FER1L5: variants seen among roughly 807,000 people sequenced by gnomAD.
FER1L5 encodes fer-1-like protein 5.
In FER1L5, 187 loss-of-function variants were observed where a neutral mutation model predicts 279.9. The observed-to-expected ratio is 0.67, with a 90% CI of 0.59 to 0.75. The LOEUF is 0.75. FER1L5 is among the 30% of genes least tolerant of loss of function. The pLI is 0.00. For missense variants in FER1L5, 2,091 were observed against 2,594.4 expected (o/e 0.81, Z 4.21); for synonymous variants, 921 against 989.7 (o/e 0.93, Z 1.30).
Position 96,689,515 on chromosome 2 carries a change from C to T in FER1L5, c.2526-129C>T. 6.9e-7 allele frequency: 1 copy of T among 1,445,618 alleles called. No individual in the cohort carries two copies. Among genetic ancestry groups the T allele is most frequent in the Non-Finnish European group, 9.5e-7 (1 of 1,057,676 alleles). The allele number at this position is 1,445,618 out of a possible 1,614,324, so 89.5% of individuals were successfully genotyped here. A position where few individuals can be genotyped will look rare whatever the true frequency, so the allele number is the denominator to read the frequency against. ...AGGTGCACCAGGCCAAGGGCCCTGCCCACCACCCTGTCCTGCCCAGAGCAG... is the reference window on the plus strand; with the variant it reads ...AGGTGCACCAGGCCAAGGGCCCTGCTCACCACCCTGTCCTGCCCAGAGCAG... On this transcript the variant is annotated intron_variant, in intron 25 of 52. Coordinates refer to ENST00000624922, the MANE Select transcript of FER1L5 (RefSeq NM_001293083.2). The surrounding 1 kb of genome is among the most constrained non-coding windows in gnomAD (Gnocchi z 4.6).
rs775560797 is a variant in FER1L5 at position 96,697,635 on chromosome 2, C to T, written c.4135-25C>T. 9 of 1,613,728 alleles carry T rather than the reference C, an allele frequency of 5.6e-6. No homozygotes were observed. In the East Asian group the frequency reaches 2.0e-4, roughly 36 times the overall value. On this transcript the variant is annotated intron_variant, in intron 38 of 52. Transcript: ENST00000624922. ...GGTGGGGGGCTGCCCCTGCCCGAGGCCAGAATGATCCTCTTCTCTGCCAGG... is the reference window on the plus strand; with the variant it reads ...GGTGGGGGGCTGCCCCTGCCCGAGGTCAGAATGATCCTCTTCTCTGCCAGG...
rs748668128 is a variant in FER1L5 at position 96,702,951 on chromosome 2, T to C, written c.5398-27T>C. 1 of 1,597,356 alleles carries C rather than the reference T, an allele frequency of 6.3e-7. No homozygotes were observed. The highest frequency in any genetic ancestry group is 1.7e-5 in the Admixed American group (1 of 57,998). ...GGGAAACGTCCAGGAGACAGGCCGGTAACACGCCCTTCCGCCATTTCCCCA... is the reference window on the plus strand; with the variant it reads ...GGGAAACGTCCAGGAGACAGGCCGGCAACACGCCCTTCCGCCATTTCCCCA... On this transcript the variant is annotated intron_variant, in intron 48 of 52. Coordinates refer to ENST00000624922, the MANE Select transcript of FER1L5 (RefSeq NM_001293083.2). This position sits in a 1 kb window ranked among gnomAD's most constrained non-coding sequence, Gnocchi z 4.0.
Position 96,673,127 on chromosome 2 carries a change from T to A in FER1L5, c.1542T>A (p.Cys514Ter). 6.4e-7 allele frequency: 1 copy of A among 1,551,626 alleles called. No individual in the cohort carries two copies. Among genetic ancestry groups the A allele is most frequent in the Non-Finnish European group, 8.7e-7 (1 of 1,146,952 alleles). Residue 514 changes from cysteine (C) to a stop codon, truncating the protein, a stop_gained, in exon 19 of 53, where the codon TGT becomes TGA. Transcript: ENST00000624922. LOFTEE classifies it high-confidence loss of function. The part of the protein sequence containing the change: ...KYGLCVIFLS[C>*]TMMPNFKELI... The stretch of plus-strand genomic sequence containing the variant: ...GGCTGTGCGTCATCTTCCTTTCCTG[T>A]ACCATGATGCCCAACTTTAAAGAGC...
intron 5 of FER1L5, 147 bp from the exon 6 acceptor site, chr2:96,650,033 G>A (rs2075297547): frequency 1.5e-6 from 1 of 663,966 alleles, no homozygotes; most frequent in Non-Finnish European, 2.7e-6. Flanking sequence ...GTAATGTTCT[G>A]GGGAGGACAT....
In FER1L5 at chr2:96,652,027, T is replaced by C; in HGVS notation, c.633+7T>C. On this transcript the variant is annotated splice_region_variant and intron_variant, in intron 7 of 52. Transcript: ENST00000624922. ...CAACCCTTTCTTTAATGAGGTGGGC[T>C]GAACGGGGCACATCAGGCAAGGAGC... 1 of 1,551,670 alleles carries C rather than the reference T, an allele frequency of 6.4e-7. No homozygotes were observed. The highest frequency in any genetic ancestry group is 2.4e-5 in the East Asian group (1 of 40,924).
chr2:96,659,507 TTC>T (rs2075860542), intron 9 of FER1L5, among the ~76,000 whole-genome samples: 2 of 50,866 alleles, frequency 3.9e-5, no homozygotes, highest in Non-Finnish European at 3.1e-5. Context: ...CTTTCTTTCT[TTC>T]GAGACAGAGT....
Position 96,698,113 on chromosome 2 carries a change from AG to A in FER1L5, c.4315del (p.Glu1439SerfsTer10). On this transcript the variant is annotated frameshift_variant, in exon 40 of 53. Transcript: ENST00000624922. LOFTEE classifies it high-confidence loss of function. The surrounding 1 kb of genome is among the most constrained non-coding windows in gnomAD (Gnocchi z 5.5). ...TTCTGCCAGACCTTCAAACTCTACC[AG>A]GAGCAGCCCAAGTTGGACAGCCCCG... ...QDFCQTFKLY[Q>X]EQPKLDSPVV... The A allele has an allele frequency of 6.3e-7, 1 of 1,585,206 alleles. No homozygotes were observed. The highest frequency in any genetic ancestry group is 2.3e-5 in the East Asian group (1 of 43,122).
At chr2:96,701,758 C>A (rs995101381) in intron 45 of FER1L5, among the ~76,000 whole-genome samples, 197 bp from the exon 46 acceptor site, 12 of 152,202 alleles carry the variant, frequency 7.9e-5, no homozygotes, top group African/African-American at 2.7e-4. Context: ...AATCTCCCTG[C>A]ACTACTCTCT....
At position 96,650,160 on chromosome 2, in the gene FER1L5, C is replaced by T; in HGVS notation, c.395-20C>T. 6.5e-7 allele frequency: 1 copy of T among 1,546,466 alleles called. No homozygotes were observed. Among genetic ancestry groups the T allele is most frequent in the South Asian group, 1.2e-5 (1 of 83,964 alleles). On this transcript the variant is annotated intron_variant, in intron 5 of 52. Coordinates refer to ENST00000624922, the MANE Select transcript of FER1L5 (RefSeq NM_001293083.2). Reference sequence around the variant, plus strand: ...CTGGGCCCCAGGCCTCTGACCCCACCCTGCACTGTGTCTCCCCAGGAGCTG... The same window carrying T: ...CTGGGCCCCAGGCCTCTGACCCCACTCTGCACTGTGTCTCCCCAGGAGCTG...
intron 51 of FER1L5, 23 bp downstream of exon 51, chr2:96,703,655 C>T (rs778986519): frequency 1.7e-5 from 27 of 1,608,458 alleles, no homozygotes; most frequent in Non-Finnish European, 2.3e-5. Context: ...GGGGCAAAAG[C>T]ACCAGATCTT....
chr2:96,658,326 T>C lies in FER1L5; in HGVS notation c.748-2015T>C, dbSNP rs557702408. On this transcript the variant is annotated intron_variant, in intron 9 of 52. Transcript: ENST00000624922. ...CCAACGCACCTGGCCAACTTTTTTT[T>C]TTTTTTTTGAGACAGAGTCTTGCTC... 2.7e-5 allele frequency among the ~76,000 whole-genome samples: 4 copies of C among 149,748 alleles called. No individual in the cohort carries two copies. In the East Asian group the frequency reaches 7.9e-4, roughly 29 times the overall value.
Position 96,647,142 on chromosome 2 carries a change from C to T in FER1L5, c.217C>T (p.Gln73Ter), listed in dbSNP as rs1382689083. 1 of 1,551,518 alleles carries T rather than the reference C, an allele frequency of 6.4e-7. No homozygotes were observed. The highest frequency in any genetic ancestry group is 2.0e-5 in the Admixed American group (1 of 50,980). ...AGTCACCCTTCAGGACATGGGCTCA[C>T]AAAAGAAAGAAAGGTGAGGCAGAGA... ...LQVTLQDMGSQKKERFIGLAT... is the reference protein window; with the variant it reads ...LQVTLQDMGS The change falls in exon 3 of 53, where the codon CAA becomes TAA. Residue 73 changes from glutamine (Q) to a stop codon, truncating the protein, a stop_gained. Coordinates refer to ENST00000624922, the MANE Select transcript of FER1L5 (RefSeq NM_001293083.2). LOFTEE classifies it high-confidence loss of function.
chr2:96,673,044 G>T, intron 18 of FER1L5, 33 bp from the exon 19 acceptor site: 1 of 1,547,180 alleles, frequency 6.5e-7, no homozygotes, highest in South Asian at 1.2e-5. Flanking sequence ...CTTATGTACT[G>T]GGTATGGGGG....
At chr2:96,650,526 T>C (rs1403762290) in intron 6 of FER1L5, among the ~76,000 whole-genome samples, 1 of 152,194 alleles carries the variant, frequency 6.6e-6, no homozygotes, top group Non-Finnish European at 1.5e-5. Context: ...AGCTGTGCAC[T>C]GGCAGGCCCT....
chr2:96,651,440 CTTCT>C (rs766914088), intron 6 of FER1L5, among the ~76,000 whole-genome samples: 49 of 143,670 alleles, frequency 3.4e-4, no homozygotes, highest in South Asian at 1.3e-3. Flanking sequence ...TCCTCCCTCC[CTTCT>C]TTCTTTCTTT....
At chr2:96,667,953 C>T (rs1177220053) in intron 14 of FER1L5, among the ~76,000 whole-genome samples, 3 of 152,072 alleles carry the variant, frequency 2.0e-5, no homozygotes, top group Non-Finnish European at 4.4e-5. Context: ...CTCAACCTCA[C>T]GGGCTCAAGC....
At position 96,694,365 on chromosome 2, in the gene FER1L5, T is replaced by C. The variant is rs1223200349; in HGVS notation, c.3642T>C (p.Leu1214=). 6.5e-7 allele frequency: 1 copy of C among 1,548,382 alleles called. No homozygotes were observed. Among genetic ancestry groups the C allele is most frequent in the Non-Finnish European group, 8.7e-7 (1 of 1,145,370 alleles). The change falls in exon 34 of 53, where the codon CTT becomes CTC. Residue 1214 remains leucine (L), a synonymous_variant. Coordinates refer to ENST00000624922, the MANE Select transcript of FER1L5 (RefSeq NM_001293083.2). The surrounding 1 kb of genome is among the most constrained non-coding windows in gnomAD (Gnocchi z 4.6). ...SCELILQTEK[L]GEKQLPILSV... ...TGCTCCCTGCCCTCCCCCAGAAGCT[T>C]GGAGAGAAGCAGCTGCCTATCTTAA...
chr2:96,658,856 G>T (rs1274695315), intron 9 of FER1L5, among the ~76,000 whole-genome samples: 1 of 151,942 alleles, frequency 6.6e-6, no homozygotes, highest in Non-Finnish European at 1.5e-5. Context: ...TGTTTTCCTT[G>T]GATTGTTTGT....
At chr2:96,657,889 C>T (rs191862339) in intron 9 of FER1L5, among the ~76,000 whole-genome samples, 11 of 152,276 alleles carry the variant, frequency 7.2e-5, no homozygotes, top group Admixed American at 1.3e-4. Flanking sequence ...CAGTCTGAGG[C>T]TGCTATATTG....
Sources: gnomAD v4.1 joint callset for allele counts (sites outside exome capture counted in the v4.1 genomes callset) on GRCh38, gnomAD v4.1.1 for gene constraint, Gnocchi (gnomAD v3.1) non-coding constraint, MANE v1.5 for transcripts, NCBI Gene and HGNC (gene_info 2026-07-23, HGNC 2026-07-21) for gene names.